DMRTA2: variants seen among roughly 807,000 people sequenced by gnomAD.
DMRTA2 encodes doublesex- and mab-3-related transcription factor A2.
DMRTA2 carries 10 observed loss-of-function variants against 29.7 expected under a neutral mutation model. The ratio of observed to expected loss-of-function variants is 0.34; its 90% CI spans 0.21 to 0.57. DMRTA2 has a LOEUF of 0.57. Ranked by LOEUF, DMRTA2 falls within the 20% of genes least tolerant of loss-of-function variation. DMRTA2 has a pLI of 0.87. For missense variants in DMRTA2, 783 were observed against 812.1 expected, an observed-to-expected ratio of 0.96 and a Z score of 0.44; for synonymous variants, 469 against 402.6, an observed-to-expected ratio of 1.16 and a Z score of -1.97.
chr1:50,419,024 T>A lies in DMRTA2; in HGVS notation c.1270A>T (p.Met424Leu). Residue 424 changes from methionine to leucine, a missense_variant, in exon 3 of 3, where the codon ATG (methionine) becomes TTG (leucine). Coordinates refer to ENST00000404795, the MANE Select transcript of DMRTA2 (RefSeq NM_032110.3). This position sits in a 1 kb window ranked among gnomAD's most constrained non-coding sequence, Gnocchi z 6.1. ...PHHRPLLAGA[M>L]APGALGSLSS... is the part of the protein sequence containing the mutation. ...AGCGAGCCCAGCGCCCCAGGCGCCA[T>A]GGCGCCGGCCAGCAAGGGTCTGTGG... 1 of 1,391,236 alleles carries A rather than the reference T, an allele frequency of 7.2e-7. No homozygotes were observed. The allele number at this position is 1,391,236 out of a possible 1,614,324, so 86.2% of individuals were successfully genotyped here. A position where few individuals can be genotyped will look rare whatever the true frequency, so the allele number is the denominator to read the frequency against.
chr1:50,423,392 G>C lies in DMRTA2; in HGVS notation c.-285C>G, dbSNP rs1048464279. ...GCCGGGTCCCCTCGCGGTGCGCGCC[G>C]GACGCTGCGCGCAGCCGGGGCCCAG... On this transcript the variant is annotated 5_prime_UTR_variant, in exon 1 of 3. Transcript: ENST00000404795. The C allele has an allele frequency of 3.3e-5, 5 of 152,202 alleles. No homozygotes were observed. The highest frequency in any genetic ancestry group is 7.3e-5 in the Non-Finnish European group (5 of 68,034). The allele number at this position is 152,202 out of a possible 1,614,324, so 9.4% of individuals were successfully genotyped here.
At position 50,418,887 on chromosome 1, in the gene DMRTA2, G is replaced by A. The variant is rs757253747; in HGVS notation, c.1407C>T (p.Ala469=). Residue 469 remains alanine (A), a synonymous_variant, in exon 3 of 3, where the codon GCC becomes GCT. Coordinates refer to ENST00000404795, the MANE Select transcript of DMRTA2 (RefSeq NM_032110.3). ...APLGLSPLRL[A]YSAAAAHSRG... is the part of the protein sequence containing the mutation. ...GGCTGTGCGCCGCCGCCGCGGAGTA[G>A]GCCAGGCGCAGGGGGCTGAGGCCGA... is the stretch of plus-strand genomic sequence containing the variant. The A allele has an allele frequency of 2.0e-6, 3 of 1,498,238 alleles. No individual in the cohort carries two copies. The highest frequency in any genetic ancestry group is 2.7e-6 in the Non-Finnish European group (3 of 1,129,348). 92.8% of individuals were successfully genotyped at this position (1,498,238 alleles called of 1,614,324 possible).
Position 50,419,563 on chromosome 1 carries a change from C to T in DMRTA2, c.731G>A (p.Gly244Asp). 1.3e-6 allele frequency: 2 copies of T among 1,560,706 alleles called. No homozygotes were observed. Among genetic ancestry groups the T allele is most frequent in the East Asian group, 4.7e-5 (2 of 42,526 alleles). ...TAGGGGCGAACCAGAAAAGGACTCG[C>T]CATCGCCGTTCTCCGAGCCTGAGCC... ...RPGSGSENGDGESFSGSPLAR... is the reference protein window; with the variant it reads ...RPGSGSENGDDESFSGSPLAR... Residue 244 changes from glycine (G) to aspartate (D), a missense_variant, in exon 3 of 3, where the codon GGC (glycine) becomes GAC (aspartate). Gly to Asp is a moderately conservative substitution (Grantham distance 94, BLOSUM62 -1). This residue lies in a region of DMRTA2 where 667 missense variants were observed against 624.8 expected (regional missense o/e 1.07). Coordinates refer to ENST00000404795, the MANE Select transcript of DMRTA2 (RefSeq NM_032110.3). The surrounding 1 kb of genome is among the most constrained non-coding windows in gnomAD (Gnocchi z 6.1).
chr1:50,421,360 C>G lies in DMRTA2; in HGVS notation c.177G>C (p.Arg59=). The G allele has an allele frequency of 6.6e-7, 1 of 1,514,808 alleles. No homozygotes were observed. The highest frequency in any genetic ancestry group is 8.8e-7 in the Non-Finnish European group (1 of 1,131,784). 93.8% of individuals were successfully genotyped at this position (1,514,808 alleles called of 1,614,324 possible). A position where few individuals can be genotyped will look rare whatever the true frequency, so the allele number is the denominator to read the frequency against. ...GGGTCCGCGGGTACTTCTCGGCTGC[C>G]CGCAGCAACAGTGGCGGCCCCCGCA... ...GLLRGPPLLL[R]AAEKYPRTPK... The change falls in exon 2 of 3, where the codon CGG becomes CGC. Residue 59 remains arginine (R), a synonymous_variant. Coordinates refer to ENST00000404795, the MANE Select transcript of DMRTA2 (RefSeq NM_032110.3). This position sits in a 1 kb window ranked among gnomAD's most constrained non-coding sequence, Gnocchi z 8.7.
rs897107784 is a variant in DMRTA2 at position 50,417,589 on chromosome 1, C to T, written c.*1076G>A. 1 of 149,762 alleles carries T rather than the reference C, an allele frequency of 6.7e-6. No homozygotes were observed. Among genetic ancestry groups the T allele is most frequent in the Non-Finnish European group, 1.5e-5 (1 of 67,510 alleles). The allele number at this position is 149,762 out of a possible 1,614,324, so 9.3% of individuals were successfully genotyped here. A position where few individuals can be genotyped will look rare whatever the true frequency, so the allele number is the denominator to read the frequency against. Reference sequence around the variant, plus strand: ...AATAACATTTATTTCTAGCTCATATCTATGCAAAGGAAAGCACAAAGTGCT... The same window carrying T: ...AATAACATTTATTTCTAGCTCATATTTATGCAAAGGAAAGCACAAAGTGCT... On this transcript the variant is annotated 3_prime_UTR_variant, in exon 3 of 3. Transcript: ENST00000404795.
Position 50,418,636 on chromosome 1 carries a change from G to T in DMRTA2, c.*29C>A. 7.3e-7 allele frequency: 1 copy of T among 1,366,374 alleles called. No individual in the cohort carries two copies. Among genetic ancestry groups the T allele is most frequent in the Non-Finnish European group, 9.5e-7 (1 of 1,056,094 alleles). 84.6% of individuals were successfully genotyped at this position (1,366,374 alleles called of 1,614,324 possible). A position where few individuals can be genotyped will look rare whatever the true frequency, so the allele number is the denominator to read the frequency against. On this transcript the variant is annotated 3_prime_UTR_variant, in exon 3 of 3. Transcript: ENST00000404795. Reference sequence around the variant, plus strand: ...GGAACAGGGCTGGGGTTCCTGTTTGGGGACCGGCCGGCTGCCAGGCCCCTC... The same window carrying T: ...GGAACAGGGCTGGGGTTCCTGTTTGTGGACCGGCCGGCTGCCAGGCCCCTC...
rs374518819 is a variant in DMRTA2 at position 50,419,340 on chromosome 1, A to T, written c.954T>A (p.Asp318Glu). The change falls in exon 3 of 3, where the codon GAT (aspartate) becomes GAA (glutamate). Residue 318 changes from aspartate (D) to glutamate (E), a missense_variant. This residue lies in a region of DMRTA2 where 667 missense variants were observed against 624.8 expected (regional missense o/e 1.07). Transcript: ENST00000404795. The surrounding 1 kb of genome is among the most constrained non-coding windows in gnomAD (Gnocchi z 6.1). ...GGCCTGGGAACACGCGTGTCAAGAT[A>T]TCCAGCGGCGTCCGCTGCCGTGGAC... ...GSGPRQRTPL[D>E]ILTRVFPGHR... 1 of 1,596,830 alleles carries T rather than the reference A, an allele frequency of 6.3e-7. No individual in the cohort carries two copies. Among genetic ancestry groups the T allele is most frequent in the South Asian group, 1.1e-5 (1 of 90,772 alleles).
Position 50,419,177 on chromosome 1 carries a change from C to A in DMRTA2, c.1117G>T (p.Val373Leu). Residue 373 changes from valine (V) to leucine (L), a missense_variant, in exon 3 of 3, where the codon GTG (valine) becomes TTG (leucine). Physicochemically the swap from Val to Leu is conservative, Grantham distance 32. Coordinates refer to ENST00000404795, the MANE Select transcript of DMRTA2 (RefSeq NM_032110.3). The surrounding 1 kb of genome is among the most constrained non-coding windows in gnomAD (Gnocchi z 6.1). ...GPAAPPDKAA[V>L]GAAAAADDAW... ...TCGTCTGCAGCTGCTGCAGCACCCA[C>A]GGCGGCCTTATCTGGGGGCGCCGCA... 1.5e-6 allele frequency: 2 copies of A among 1,342,012 alleles called. No individual in the cohort carries two copies. The highest frequency in any genetic ancestry group is 1.9e-6 in the Non-Finnish European group (2 of 1,053,176). The allele number at this position is 1,342,012 out of a possible 1,614,324, so 83.1% of individuals were successfully genotyped here. A position where few individuals can be genotyped will look rare whatever the true frequency, so the allele number is the denominator to read the frequency against.
Position 50,421,362 on chromosome 1 carries a change from G to A in DMRTA2, c.175C>T (p.Arg59Trp). The change falls in exon 2 of 3, where the codon CGG becomes TGG. Residue 59 changes from arginine (R) to tryptophan (W), a missense_variant. Coordinates refer to ENST00000404795, the MANE Select transcript of DMRTA2 (RefSeq NM_032110.3). This position sits in a 1 kb window ranked among gnomAD's most constrained non-coding sequence, Gnocchi z 8.7. Reference sequence around the variant, plus strand: ...GTCCGCGGGTACTTCTCGGCTGCCCGCAGCAACAGTGGCGGCCCCCGCAGC... The same window carrying A: ...GTCCGCGGGTACTTCTCGGCTGCCCACAGCAACAGTGGCGGCCCCCGCAGC... The part of the protein sequence containing the change: ...GLLRGPPLLL[R>W]AAEKYPRTPK... 1 of 1,510,742 alleles carries A rather than the reference G, an allele frequency of 6.6e-7. No individual in the cohort carries two copies. Among genetic ancestry groups the A allele is most frequent in the Non-Finnish European group, 8.9e-7 (1 of 1,129,914 alleles). 93.6% of individuals were successfully genotyped at this position (1,510,742 alleles called of 1,614,324 possible).
rs1479754163 is a variant in DMRTA2, at chr1:50,420,786, C to G, written c.559+192G>C. Among the ~76,000 whole-genome samples the G allele has an allele frequency of 6.6e-6, 1 of 152,228 alleles. No homozygotes were observed. Among genetic ancestry groups the G allele is most frequent in the Non-Finnish European group, 1.5e-5 (1 of 68,026 alleles). ...AGGAGAAAGGGGTAAAGTGCAAATG[C>G]TCCAGAAGCGGGAGAAAGGAGAGTT... is the stretch of plus-strand genomic sequence containing the variant. On this transcript the variant is annotated intron_variant, in intron 2 of 2. Transcript: ENST00000404795. The surrounding 1 kb of genome is among the most constrained non-coding windows in gnomAD (Gnocchi z 4.1).
Position 50,422,618 on chromosome 1 carries a change from A to T in DMRTA2, c.-9+498T>A, listed in dbSNP as rs575637621. Among the ~76,000 whole-genome samples the T allele has an allele frequency of 6.6e-6, 1 of 152,000 alleles. No homozygotes were observed. The highest frequency in any genetic ancestry group is 1.9e-4 in the East Asian group (1 of 5,154). Reference sequence around the variant, plus strand: ...AAAAGTTAGGCATTTCGGGAGGGGGATCTTTCTCGAAGACCACCTCACACT... The same window carrying T: ...AAAAGTTAGGCATTTCGGGAGGGGGTTCTTTCTCGAAGACCACCTCACACT... On this transcript the variant is annotated intron_variant, in intron 1 of 2. Coordinates refer to ENST00000404795, the MANE Select transcript of DMRTA2 (RefSeq NM_032110.3). The surrounding 1 kb of genome is among the most constrained non-coding windows in gnomAD (Gnocchi z 5.7).
rs1646031749 is a variant in DMRTA2 at position 50,420,846 on chromosome 1, G to C, written c.559+132C>G. On this transcript the variant is annotated intron_variant, in intron 2 of 2. Coordinates refer to ENST00000404795, the MANE Select transcript of DMRTA2 (RefSeq NM_032110.3). This position sits in a 1 kb window ranked among gnomAD's most constrained non-coding sequence, Gnocchi z 4.1. ...ACGCTCCATACCCGAGGCTGGGCGA[G>C]CGGTGAACCCTAGCAGTCGCGGCGA... 7.6e-7 allele frequency: 1 copy of C among 1,314,504 alleles called. No homozygotes were observed. The highest frequency in any genetic ancestry group is 1.6e-5 in the African/African-American group (1 of 64,032). The allele number at this position is 1,314,504 out of a possible 1,614,324, so 81.4% of individuals were successfully genotyped here.
rs1255390306 is a variant in DMRTA2, at chr1:50,419,360, G to A, written c.934C>T (p.Arg312Trp). The A allele has an allele frequency of 1.3e-6, 2 of 1,596,738 alleles. No individual in the cohort carries two copies. Among genetic ancestry groups the A allele is most frequent in the South Asian group, 1.1e-5 (1 of 90,706 alleles). ...AAGATATCCAGCGGCGTCCGCTGCC[G>A]TGGACCCGAGCCTCCGCCCAGCCCT... ...APGLGGGSGP[R>W]QRTPLDILTR... is the part of the protein sequence containing the mutation. Residue 312 changes from arginine to tryptophan, a missense_variant, in exon 3 of 3, where the codon CGG (arginine) becomes TGG (tryptophan). Transcript: ENST00000404795. The surrounding 1 kb of genome is among the most constrained non-coding windows in gnomAD (Gnocchi z 6.1).
rs538729655 is a variant in DMRTA2 at position 50,422,631 on chromosome 1, A to G, written c.-9+485T>C. On this transcript the variant is annotated intron_variant, in intron 1 of 2. Coordinates refer to ENST00000404795, the MANE Select transcript of DMRTA2 (RefSeq NM_032110.3). This position sits in a 1 kb window ranked among gnomAD's most constrained non-coding sequence, Gnocchi z 5.7. ...TTCGGGAGGGGGATCTTTCTCGAAG[A>G]CCACCTCACACTGCCCTCCCCTCCC... Among the ~76,000 whole-genome samples, 66 of 152,246 alleles carry G rather than the reference A, an allele frequency of 4.3e-4. No individual in the cohort carries two copies. The highest frequency in any genetic ancestry group is 8.5e-4 in the Non-Finnish European group (58 of 68,008).
rs1646042223 is a variant in DMRTA2, at chr1:50,422,007, G to A, written c.-8-463C>T. Among the ~76,000 whole-genome samples, 1 of 152,228 alleles carries A rather than the reference G, an allele frequency of 6.6e-6. No individual in the cohort carries two copies. Among genetic ancestry groups the A allele is most frequent in the Admixed American group, 6.5e-5 (1 of 15,292 alleles). The stretch of plus-strand genomic sequence containing the variant: ...TAGGCTGATGCCAAGGGCAAAACAG[G>A]AAAACCCGGAGCAAAACGGTCAGTT... On this transcript the variant is annotated intron_variant, in intron 1 of 2. Coordinates refer to ENST00000404795, the MANE Select transcript of DMRTA2 (RefSeq NM_032110.3). The surrounding 1 kb of genome is among the most constrained non-coding windows in gnomAD (Gnocchi z 5.7).
chr1:50,418,610 G>A lies in DMRTA2; in HGVS notation c.*55C>T, dbSNP rs750776554. The A allele has an allele frequency of 8.1e-4, 1,049 of 1,293,052 alleles. 1 individual carries two copies. The highest frequency in any genetic ancestry group is 9.6e-4 in the Non-Finnish European group (963 of 1,004,394). 80.1% of individuals were successfully genotyped at this position (1,293,052 alleles called of 1,614,324 possible). On this transcript the variant is annotated 3_prime_UTR_variant, in exon 3 of 3. Transcript: ENST00000404795. The stretch of plus-strand genomic sequence containing the variant: ...GGGCGAAGAGGGGTCGATGGCCCGC[G>A]GGAACAGGGCTGGGGTTCCTGTTTG...
Position 50,419,459 on chromosome 1 carries a change from C to A in DMRTA2, c.835G>T (p.Gly279Cys). Residue 279 changes from glycine to cysteine, a missense_variant, in exon 3 of 3, where the codon GGC (glycine) becomes TGC (cysteine). Gly to Cys is a radical substitution (Grantham distance 159). Coordinates refer to ENST00000404795, the MANE Select transcript of DMRTA2 (RefSeq NM_032110.3). This position sits in a 1 kb window ranked among gnomAD's most constrained non-coding sequence, Gnocchi z 6.1. ...PGGGGEEDSPGSASPLGSESG... is the reference protein window; with the variant it reads ...PGGGGEEDSPCSASPLGSESG... ...TCAGAGCCCAGAGGGCTAGCGGAGC[C>A]CGGGCTGTCCTCCTCGCCGCCGCCG... is the stretch of plus-strand genomic sequence containing the variant. The A allele has an allele frequency of 6.3e-7, 1 of 1,597,760 alleles. No homozygotes were observed.
Position 50,417,849 on chromosome 1 carries a change from A to C in DMRTA2, c.*816T>G, listed in dbSNP as rs1030640910. 1 of 152,228 alleles carries C rather than the reference A, an allele frequency of 6.6e-6. No homozygotes were observed. The highest frequency in any genetic ancestry group is 2.1e-4 in the South Asian group (1 of 4,832). The allele number at this position is 152,228 out of a possible 1,614,324, so 9.4% of individuals were successfully genotyped here. On this transcript the variant is annotated 3_prime_UTR_variant, in exon 3 of 3. Coordinates refer to ENST00000404795, the MANE Select transcript of DMRTA2 (RefSeq NM_032110.3). ...TATTTAATCTCTAAACCTGATAAGT[A>C]CAATGCGCGCATAGTCTAATTTTTT... is the stretch of plus-strand genomic sequence containing the variant.
chr1:50,421,194 G>A lies in DMRTA2; in HGVS notation c.343C>T (p.Leu115=). 2.6e-6 allele frequency: 4 copies of A among 1,537,440 alleles called. No individual in the cohort carries two copies. Among genetic ancestry groups the A allele is most frequent in the Non-Finnish European group, 3.5e-6 (4 of 1,141,874 alleles). Residue 115 remains leucine (L), a synonymous_variant, in exon 2 of 3, where the codon CTG becomes TTG. Transcript: ENST00000404795. This position sits in a 1 kb window ranked among gnomAD's most constrained non-coding sequence, Gnocchi z 8.7. ...RQRVMAAQVA[L]RRQQAQEENE... is the part of the protein sequence containing the mutation. Reference sequence around the variant, plus strand: ...TCCTCCTGCGCCTGCTGCCTGCGCAGCGCCACCTGCGCCGCCATGACACGC... The same window carrying A: ...TCCTCCTGCGCCTGCTGCCTGCGCAACGCCACCTGCGCCGCCATGACACGC...
Sources: allele counts gnomAD v4.1 joint callset (sites outside exome capture counted in the v4.1 genomes callset), GRCh38; gene constraint gnomAD v4.1.1; regional missense constraint gnomAD v4.1.1; non-coding constraint Gnocchi (gnomAD v3.1); transcripts MANE v1.5; gene names NCBI Gene and HGNC (gene_info 2026-07-23, HGNC 2026-07-21).